Variants in NCOA2 observed in about 807,000 individuals in gnomAD.
The protein encoded by NCOA2 is nuclear receptor coactivator 2.
In NCOA2, 21 loss-of-function variants were observed where a neutral mutation model predicts 145.1. The observed-to-expected ratio is 0.14, with a 90% CI of 0.10 to 0.21. NCOA2 has a LOEUF of 0.21. NCOA2 is among the 10% of genes least tolerant of loss of function. The pLI is 1.00. For missense variants in NCOA2, 1,472 were observed against 1,837.6 expected (o/e 0.80, Z 3.64); for synonymous variants, 619 against 637.5 (o/e 0.97, Z 0.44).
At chr8:70,279,689 C>T (rs1352210947) in intron 2 of NCOA2, among the ~76,000 whole-genome samples, 2 of 152,184 alleles carry the variant, frequency 1.3e-5, no homozygotes, top group Non-Finnish European at 1.5e-5. Flanking sequence ...CAGGAACAGG[C>T]AGGTAATCCA....
intron 1 of NCOA2, among the ~76,000 whole-genome samples, chr8:70,304,742 A>G (rs577512979): frequency 2.7e-4 from 41 of 151,154 alleles, no homozygotes; most frequent in South Asian, 1.0e-3. Flanking sequence ...TGATCCACCC[A>G]TCTTGGCCTC....
chr8:70,189,243 A>G (rs1357832103), intron 4 of NCOA2, among the ~76,000 whole-genome samples: 2 of 152,312 alleles, frequency 1.3e-5, no homozygotes, highest in East Asian at 3.9e-4. Context: ...AATTTACTGG[A>G]TAGTGACGGG....
intron 4 of NCOA2, among the ~76,000 whole-genome samples, chr8:70,179,413 G>A (rs1394744830): frequency 5.9e-5 from 9 of 152,032 alleles, no homozygotes; most frequent in Admixed American, 5.9e-4. Context: ...ATATTATACC[G>A]GAGGAGGAAA....
chr8:70,200,131 A>C (rs1000584518), intron 4 of NCOA2, among the ~76,000 whole-genome samples: 1 of 152,218 alleles, frequency 6.6e-6, no homozygotes, highest in African/African-American at 2.4e-5. Flanking sequence ...GAGGATGTGC[A>C]TAGGTTATAC....
At chr8:70,403,061 G>A (rs1474699380) in intron 1 of NCOA2, among the ~76,000 whole-genome samples, 3 of 145,796 alleles carry the variant, frequency 2.1e-5, no homozygotes, top group Non-Finnish European at 4.5e-5. Context: ...GCTGCAGCTC[G>A]CCGGCCGCCC....
chr8:70,155,797 A>G lies in NCOA2; in HGVS notation c.2394+174T>C, dbSNP rs16936774. Among the ~76,000 whole-genome samples, 1,149 of 152,272 alleles carry G rather than the reference A, an allele frequency of 7.5e-3. 16 individuals are homozygous for G. Among genetic ancestry groups the G allele is most frequent in the Middle Eastern group, 0.031 (9 of 294 alleles). ...CCCACCTATGTTCTATAACAATGTC[A>G]CTCTGCTAGGAGAGTATTTGAAACA... On this transcript the variant is annotated intron_variant, in intron 11 of 22. Transcript: ENST00000452400.
chr8:70,267,048 G>T (rs1824657290), intron 2 of NCOA2, among the ~76,000 whole-genome samples: 2 of 152,192 alleles, frequency 1.3e-5, no homozygotes, highest in African/African-American at 4.8e-5. Flanking sequence ...TTGGAACTTT[G>T]AACAATTACA....
Position 70,192,809 on chromosome 8 carries a change from C to T in NCOA2, c.260-17950G>A, listed in dbSNP as rs564957513. On this transcript the variant is annotated intron_variant, in intron 4 of 22. Coordinates refer to ENST00000452400, the MANE Select transcript of NCOA2 (RefSeq NM_006540.4). ...CCTGGCCAAGAACGGTGGCTCATGC[C>T]TGTAATCCCAGCACTTTGGGAGGCG... Among the ~76,000 whole-genome samples the T allele has an allele frequency of 8.3e-4, 127 of 152,164 alleles. 1 individual carries two copies. The highest frequency in any genetic ancestry group is 3.0e-3 in the African/African-American group (123 of 41,498).
intron 14 of NCOA2, among the ~76,000 whole-genome samples, 194 bp from the exon 15 acceptor site, chr8:70,138,526 G>C (rs1259923680): frequency 6.6e-6 from 1 of 152,138 alleles, no homozygotes; most frequent in Non-Finnish European, 1.5e-5. Context: ...CCATTTCAGA[G>C]AATATCTAGA....
At chr8:70,425,543 C>T in the NCOA2 span, among the ~76,000 whole-genome samples, 2 of 152,134 alleles carry the variant, frequency 1.3e-5, no homozygotes, top group Non-Finnish European at 2.9e-5. Flanking sequence ...CCTTTTACTG[C>T]CTCAATGGCA....
chr8:70,377,427 C>T (rs912843735), intron 1 of NCOA2, among the ~76,000 whole-genome samples: 18 of 152,094 alleles, frequency 1.2e-4, no homozygotes, highest in Admixed American at 5.2e-4. Context: ...TAGTACATTA[C>T]ATTTTTTAGT....
intron 2 of NCOA2, among the ~76,000 whole-genome samples, chr8:70,270,194 GA>G (rs60887167): frequency 0.012 from 1,613 of 136,964 alleles, 28 homozygotes; most frequent in African/African-American, 0.038. Flanking sequence ...AAAACAGGGA[GA>G]AAAAAAAAAA....
At chr8:70,177,331 A>G in intron 4 of NCOA2, among the ~76,000 whole-genome samples, 1 of 152,278 alleles carries the variant, frequency 6.6e-6, no homozygotes. Flanking sequence ...ACAGTCCACA[A>G]AAGAGTAGGC....
chr8:70,235,290 G>A (rs1187060063), intron 2 of NCOA2, among the ~76,000 whole-genome samples: 1 of 152,130 alleles, frequency 6.6e-6, no homozygotes, highest in African/African-American at 2.4e-5. Context: ...GGGCTGGGGA[G>A]TGGGAGGGAA....
intron 3 of NCOA2, 125 bp from the exon 4 acceptor site, chr8:70,214,200 C>A: frequency 1.1e-6 from 1 of 909,454 alleles, no homozygotes; most frequent in Non-Finnish European, 1.7e-6. Context: ...CACAGAAATA[C>A]TTTTGGGGGA....
At position 70,121,297 on chromosome 8, in the gene NCOA2, C is replaced by A. The variant is rs746122712; in HGVS notation, c.4383+5G>T. ...ATATTCATATATTTCACTGTTCTTT[C>A]TTACCCGTGTTGTGTCTCCCTCCTG... On this transcript the variant is annotated splice_donor_5th_base_variant and intron_variant, in intron 22 of 22. Coordinates refer to ENST00000452400, the MANE Select transcript of NCOA2 (RefSeq NM_006540.4). 6.2e-7 allele frequency: 1 copy of A among 1,610,210 alleles called. No individual in the cohort carries two copies. The highest frequency in any genetic ancestry group is 1.7e-5 in the Admixed American group (1 of 59,650).
intron 2 of NCOA2, among the ~76,000 whole-genome samples, chr8:70,267,069 G>T (rs1206381463): frequency 6.6e-6 from 1 of 152,054 alleles, no homozygotes; most frequent in Non-Finnish European, 1.5e-5. Context: ...GCATTTTCTT[G>T]TGATGTATAT....
At chr8:70,241,630 T>C (rs574267119) in intron 2 of NCOA2, among the ~76,000 whole-genome samples, 1 of 152,152 alleles carries the variant, frequency 6.6e-6, no homozygotes, top group African/African-American at 2.4e-5. Context: ...CCCAGCATCA[T>C]CTGAACTCAA....
intron 2 of NCOA2, among the ~76,000 whole-genome samples, chr8:70,282,267 T>G (rs373573096): frequency 3.3e-5 from 5 of 152,192 alleles, no homozygotes; most frequent in African/African-American, 9.7e-5. Context: ...TAAAGATTAA[T>G]AAAGATATAT....
Sources: gnomAD v4.1 joint callset for allele counts (sites outside exome capture counted in the v4.1 genomes callset) on GRCh38, gnomAD v4.1.1 for gene constraint, MANE v1.5 for transcripts, NCBI Gene and HGNC (gene_info 2026-07-23, HGNC 2026-07-21) for gene names.